CCDC3: variants seen among roughly 807,000 people sequenced by gnomAD.
CCDC3 encodes coiled-coil domain-containing protein 3.
CCDC3 carries 24 observed loss-of-function variants against 21.4 expected under a neutral mutation model. The observed-to-expected ratio is 1.12, with a 90% CI of 0.81 to 1.58. The LOEUF is 1.58. Among genes scored for constraint, CCDC3 ranks in the 40% most tolerant of loss-of-function variants. The pLI, the probability that CCDC3 is intolerant of heterozygous loss-of-function variation, is 0.00. For synonymous variants in CCDC3, 186 were observed against 166.0 expected, an observed-to-expected ratio of 1.12 and a Z score of -0.93; for missense variants, 425 against 360.9, an observed-to-expected ratio of 1.18 and a Z score of -1.44.
chr10:13,082,363 A>G (rs1470955778), intron 3 of CCDC3, among the ~76,000 whole-genome samples: 1 of 151,500 alleles, frequency 6.6e-6, no homozygotes. Context: ...ATTTCTGCAT[A>G]TCAGAGACTT....
intron 3 of CCDC3, among the ~76,000 whole-genome samples, chr10:13,086,054 G>A (rs985098724): frequency 9.2e-5 from 14 of 151,956 alleles, no homozygotes; most frequent in African/African-American, 3.4e-4. Flanking sequence ...TAGAAAAAGT[G>A]GTCATAAAGG....
At position 12,906,578 on chromosome 10, in the gene CCDC3, C is replaced by T. The variant is rs955260894; in HGVS notation, c.550-7899G>A. Among the ~76,000 whole-genome samples, 8 of 152,242 alleles carry T rather than the reference C, an allele frequency of 5.3e-5. No individual in the cohort carries two copies. The East Asian group carries it at 9.7e-4, about 18-fold the overall frequency. ...CTCTGGGACTGAATTCTGGCTTAAA[C>T]GATTCCACACTCCACGTACCCAGAT... is the stretch of plus-strand genomic sequence containing the variant. On this transcript the variant is annotated intron_variant, in intron 2 of 2. Coordinates refer to ENST00000378825, the MANE Select transcript of CCDC3 (RefSeq NM_031455.4).
At chr10:12,921,018 G>A (rs1834442998) in intron 2 of CCDC3, among the ~76,000 whole-genome samples, 1 of 152,160 alleles carries the variant, frequency 6.6e-6, no homozygotes, top group Non-Finnish European at 1.5e-5. Flanking sequence ...CATTCTCTTT[G>A]CAGAACAACT....
chr10:13,059,304 C>A (rs485132), intron 4 of CCDC3, among the ~76,000 whole-genome samples: 87,868 of 152,006 alleles, frequency 0.58, 26,382 homozygotes, highest in African/African-American at 0.74. Flanking sequence ...CTCATGCCCC[C>A]ATTTCACCTC....
At chr10:12,991,533 C>T (rs184105131) in intron 2 of CCDC3, among the ~76,000 whole-genome samples, 27 of 152,194 alleles carry the variant, frequency 1.8e-4, no homozygotes, top group African/African-American at 6.3e-4. Flanking sequence ...GTTGTATCAC[C>T]ATGTTGGCGA....
intron 5 of CCDC3, among the ~76,000 whole-genome samples, chr10:13,033,031 A>C (rs1355770481): frequency 3.9e-5 from 6 of 152,364 alleles, no homozygotes; most frequent in African/African-American, 1.4e-4. Context: ...CTGCATTGCC[A>C]AGTCAATCCT....
At chr10:12,979,521 G>A (rs1278809185) in intron 2 of CCDC3, among the ~76,000 whole-genome samples, 2 of 151,892 alleles carry the variant, frequency 1.3e-5, no homozygotes. Flanking sequence ...GGGACCACAG[G>A]CACACACCAC....
chr10:13,058,972 T>C (rs1281705318), intron 4 of CCDC3, among the ~76,000 whole-genome samples: 1 of 152,050 alleles, frequency 6.6e-6, no homozygotes, highest in Non-Finnish European at 1.5e-5. Context: ...CTGTGGAGAG[T>C]ACTATTAGTG....
intron 2 of CCDC3, among the ~76,000 whole-genome samples, chr10:12,953,334 C>G (rs573271087): frequency 6.6e-6 from 1 of 152,156 alleles, no homozygotes; most frequent in Non-Finnish European, 1.5e-5. Context: ...TCACAACACA[C>G]GGGAATTCAA....
At chr10:13,031,491 A>G (rs1488852660) in intron 5 of CCDC3, among the ~76,000 whole-genome samples, 1 of 152,230 alleles carries the variant, frequency 6.6e-6, no homozygotes, top group Non-Finnish European at 1.5e-5. Flanking sequence ...GAAATAACTA[A>G]GATCAGAGCA....
In CCDC3 at chr10:12,957,469, G is replaced by C. The variant is rs138767724; in HGVS notation, c.549+40869C>G. ...CTGATTTAAAACAAAATGAAACAAAGAAAGCCGACGACATAGTTTGGATCT... is the reference window on the plus strand; with the variant it reads ...CTGATTTAAAACAAAATGAAACAAACAAAGCCGACGACATAGTTTGGATCT... On this transcript the variant is annotated intron_variant, in intron 2 of 2. Transcript: ENST00000378825. Among the ~76,000 whole-genome samples the C allele has an allele frequency of 3.6e-3, 554 of 152,294 alleles. 4 individuals are homozygous for C. The highest frequency in any genetic ancestry group is 0.013 in the African/African-American group (520 of 41,562).
At position 13,027,762 on chromosome 10, in the gene CCDC3, C is replaced by T. The variant is rs1420968259; in HGVS notation, c.-2+21912G>A. On this transcript the variant is annotated intron_variant, in intron 5 of 6. Transcript: ENST00000378839. ...AAAAAACTACTCAGTACTTTCCGCA[C>T]CTGAGCTCATTTAATCAATACGACC... 2.0e-5 allele frequency among the ~76,000 whole-genome samples: 3 copies of T among 151,426 alleles called. No homozygotes were observed. The East Asian group carries it at 5.8e-4, about 29-fold the overall frequency.
At chr10:13,076,520 G>A (rs571837293) in intron 3 of CCDC3, among the ~76,000 whole-genome samples, 2 of 152,312 alleles carry the variant, frequency 1.3e-5, no homozygotes, top group South Asian at 4.1e-4. Flanking sequence ...AATCATAAGT[G>A]TTAGAAGTAA....
In CCDC3 at chr10:12,901,904, T is replaced by A. The variant is rs1000164348; in HGVS notation, c.550-3225A>T. Among the ~76,000 whole-genome samples, 3 of 152,180 alleles carry A rather than the reference T, an allele frequency of 2.0e-5. No individual in the cohort carries two copies. In the South Asian group the frequency reaches 6.2e-4, roughly 32 times the overall value. The stretch of plus-strand genomic sequence containing the variant: ...GCTTTCTCATCCCAGAGGCTCTTCC[T>A]CCCGCCTGGAGCACTGTTCTCCCCA... On this transcript the variant is annotated intron_variant, in intron 2 of 2. Transcript: ENST00000378825.
At chr10:13,073,685 C>T (rs1384144999) in intron 4 of CCDC3, among the ~76,000 whole-genome samples, 1 of 152,130 alleles carries the variant, frequency 6.6e-6, no homozygotes, top group Non-Finnish European at 1.5e-5. Flanking sequence ...CAGGGTTTCT[C>T]AATGTTGCCT....
At chr10:12,996,466 G>C (rs1214462170) in intron 2 of CCDC3, among the ~76,000 whole-genome samples, 4 of 152,256 alleles carry the variant, frequency 2.6e-5, no homozygotes, top group African/African-American at 9.6e-5. Flanking sequence ...CTCCCGAGTA[G>C]CTGGAATTAG....
intron 5 of CCDC3, among the ~76,000 whole-genome samples, chr10:13,024,026 G>T (rs369385132): frequency 3.9e-5 from 6 of 152,248 alleles, no homozygotes; most frequent in African/African-American, 1.4e-4. Flanking sequence ...ACTGATGATG[G>T]CTCAGTTCTA....
At chr10:13,001,163 G>A (rs757499777) in intron 1 of CCDC3, 34 bp downstream of exon 1, 4 of 1,541,046 alleles carry the variant, frequency 2.6e-6, no homozygotes, top group East Asian at 5.0e-5. Flanking sequence ...GGCGCAGAGA[G>A]AGAGAGAGGT....
intron 2 of CCDC3, among the ~76,000 whole-genome samples, chr10:12,937,666 A>G (rs1357053764): frequency 1.3e-5 from 2 of 152,198 alleles, no homozygotes; most frequent in Non-Finnish European, 2.9e-5. Flanking sequence ...ATGGCACAGA[A>G]AAGTTTAAAA....
Sources: gnomAD v4.1 joint callset for allele counts (sites outside exome capture counted in the v4.1 genomes callset) on GRCh38, gnomAD v4.1.1 for gene constraint, MANE v1.5 for transcripts, NCBI Gene and HGNC (gene_info 2026-07-23, HGNC 2026-07-21) for gene names.